The following ELSPBP1 variants were observed in gnomAD, a reference collection of about 807,000 sequenced individuals.
ELSPBP1 encodes epididymal sperm binding protein 1.
Under a neutral mutation model 33.3 loss-of-function variants are expected in ELSPBP1, and 38 were observed. The ratio of observed to expected loss-of-function variants is 1.14; its 90% CI spans 0.88 to 1.50. The LOEUF is 1.50. ELSPBP1 is among the 40% of genes most tolerant of loss of function. ELSPBP1 has a pLI of 0.00. For synonymous variants in ELSPBP1, 85 were observed against 94.1 expected (o/e 0.90, Z 0.56); for missense variants, 267 against 263.5 (o/e 1.01, Z -0.09).
chr19:48,003,940 TATTCTATTCTATTCTATTC>T (rs1966992674), intron 1 of ELSPBP1, among the ~76,000 whole-genome samples: 2 of 129,054 alleles, frequency 1.5e-5, no homozygotes, highest in Non-Finnish European at 3.4e-5. Context: ...TATTCTATTC[TATTCTATTCTATTCTATTC>T]TTTTGAGACA....
At chr19:47,997,005 A>G (rs748159025) in intron 1 of ELSPBP1, among the ~76,000 whole-genome samples, 6 of 152,148 alleles carry the variant, frequency 3.9e-5, no homozygotes, top group Non-Finnish European at 5.9e-5. Context: ...CAACAACTCT[A>G]TGAAGTAGAA....
At chr19:48,003,605 C>A (rs1366369104) in intron 1 of ELSPBP1, among the ~76,000 whole-genome samples, 1 of 148,636 alleles carries the variant, frequency 6.7e-6, no homozygotes, top group Non-Finnish European at 1.5e-5. Context: ...GGCACGATCT[C>A]GGCTCACTGC....
Position 48,022,467 on chromosome 19 carries a change from G to A in ELSPBP1, c.*7+133G>A, listed in dbSNP as rs999497906. On this transcript the variant is annotated intron_variant, in intron 6 of 6. Coordinates refer to ENST00000339841, the MANE Select transcript of ELSPBP1 (RefSeq NM_022142.5). The stretch of plus-strand genomic sequence containing the variant: ...TGATTAGCGTCGCTGATGTGAAGGC[G>A]AGATCTGTTGCTTTTCCAGCATGTC... 3.3e-5 allele frequency: 24 copies of A among 735,398 alleles called. 1 individual carries two copies. In the South Asian group the frequency reaches 4.0e-4, roughly 12 times the overall value. The allele number at this position is 735,398 out of a possible 1,614,324, so 45.6% of individuals were successfully genotyped here. A position where few individuals can be genotyped will look rare whatever the true frequency, so the allele number is the denominator to read the frequency against.
At chr19:48,006,621 C>CAAAAAAA (rs1190341508) in intron 1 of ELSPBP1, among the ~76,000 whole-genome samples, 3 of 20,876 alleles carry the variant, frequency 1.4e-4, no homozygotes, top group East Asian at 1.2e-3. Context: ...GACCCTGTCT[C>CAAAAAAA]AAAAAAAAAA....
At chr19:48,005,817 C>A (rs923519433) in intron 1 of ELSPBP1, among the ~76,000 whole-genome samples, 3 of 152,132 alleles carry the variant, frequency 2.0e-5, no homozygotes, top group Admixed American at 1.3e-4. Context: ...TGATCTGTAA[C>A]CCTCAGCAAG....
rs1967074098 is a variant in ELSPBP1, at chr19:48,011,227, G to A, written c.70+2490G>A. On this transcript the variant is annotated intron_variant, in intron 2 of 6. Transcript: ENST00000339841. The surrounding 1 kb of genome is among the most constrained non-coding windows in gnomAD (Gnocchi z 4.5). ...AATGATGATGAGAATGACAATAATG[G>A]GGTTGATGATGATGATGACAATGAT... Among the ~76,000 whole-genome samples, 1 of 145,478 alleles carries A rather than the reference G, an allele frequency of 6.9e-6. No homozygotes were observed. Among genetic ancestry groups the A allele is most frequent in the Admixed American group, 6.9e-5 (1 of 14,516 alleles).
At chr19:48,010,507 A>G (rs1388768084) in intron 2 of ELSPBP1, among the ~76,000 whole-genome samples, 1 of 152,218 alleles carries the variant, frequency 6.6e-6, no homozygotes, top group Non-Finnish European at 1.5e-5. Flanking sequence ...GAGAGTTCAC[A>G]GTAATCGGGA....
intron 6 of ELSPBP1, among the ~76,000 whole-genome samples, chr19:48,022,576 T>TA (rs1358059824): frequency 1.3e-5 from 2 of 152,020 alleles, no homozygotes; most frequent in African/African-American, 2.4e-5. Flanking sequence ...ACTCCCCAGA[T>TA]TAGAAGGATG....
intron 5 of ELSPBP1, among the ~76,000 whole-genome samples, chr19:48,020,484 A>G (rs1478960865): frequency 6.6e-6 from 1 of 152,086 alleles, no homozygotes; most frequent in African/African-American, 2.4e-5. Context: ...GTGTTGGGAG[A>G]CTCAGACTCA....
Position 48,022,168 on chromosome 19 carries a change from A to G in ELSPBP1, c.515-2A>G. On this transcript the variant is annotated splice_acceptor_variant, in intron 5 of 6. Transcript: ENST00000339841. LOFTEE classifies it high-confidence loss of function. ...TTTGTTTTATCCCCTTCTGCTTCCT[A>G]GGAATTTCCGCGTTGGTCCCTGGCT... 1 of 1,610,558 alleles carries G rather than the reference A, an allele frequency of 6.2e-7. No homozygotes were observed. The highest frequency in any genetic ancestry group is 8.5e-7 in the Non-Finnish European group (1 of 1,178,310).
chr19:48,005,022 C>A (rs1037579477), intron 1 of ELSPBP1, among the ~76,000 whole-genome samples: 1 of 152,028 alleles, frequency 6.6e-6, no homozygotes, highest in African/African-American at 2.4e-5. Context: ...CATAGCAAGA[C>A]CTCGTCTCTA....
intron 2 of ELSPBP1, among the ~76,000 whole-genome samples, chr19:48,010,464 G>A (rs932044689): frequency 6.6e-6 from 1 of 152,152 alleles, no homozygotes; most frequent in Non-Finnish European, 1.5e-5. Context: ...GACCAGAAGT[G>A]CAGAAATAAA....
intron 1 of ELSPBP1, among the ~76,000 whole-genome samples, chr19:47,999,391 T>C (rs78587487): frequency 6.9e-6 from 1 of 145,608 alleles, no homozygotes; most frequent in East Asian, 2.3e-4. Context: ...TCATTTCTTT[T>C]TTTTTTTTTT....
In ELSPBP1 at chr19:48,003,539, C is replaced by CTTTT. The variant is rs34961390; in HGVS notation, c.-17-5098_-17-5095dup. Among the ~76,000 whole-genome samples the CTTTT allele has an allele frequency of 1.2e-3, 166 of 138,890 alleles. 1 individual carries two copies. Among genetic ancestry groups the CTTTT allele is most frequent in the African/African-American group, 3.6e-3 (138 of 38,066 alleles). The allele number at this position is 138,890 out of a possible 152,430, so 91.1% of individuals were successfully genotyped here. On this transcript the variant is annotated intron_variant, in intron 1 of 6. Coordinates refer to ENST00000339841, the MANE Select transcript of ELSPBP1 (RefSeq NM_022142.5). ...TGAATGAATAAATGCCACCCCTGCTCTTTTTTTTTTTTTTTTTGATGGAGT... is the reference window on the plus strand; with the variant it reads ...TGAATGAATAAATGCCACCCCTGCTCTTTTTTTTTTTTTTTTTTTTTGATGGAGT...
rs193171081 is a variant in ELSPBP1, at chr19:48,006,909, G to A, written c.-17-1742G>A. On this transcript the variant is annotated intron_variant, in intron 1 of 6. Coordinates refer to ENST00000339841, the MANE Select transcript of ELSPBP1 (RefSeq NM_022142.5). ...GAAAAAGGGAGAAAGACACTTTGAT[G>A]TGTAGCGGGAGAGCCAAGCACTGTT... Among the ~76,000 whole-genome samples the A allele has an allele frequency of 2.0e-3, 305 of 152,284 alleles. 2 individuals carry two copies. The highest frequency in any genetic ancestry group is 4.8e-3 in the South Asian group (23 of 4,826).
chr19:47,995,547 C>T (rs73565556), intron 1 of ELSPBP1, among the ~76,000 whole-genome samples: 5,223 of 152,234 alleles, frequency 0.034, 295 homozygotes, highest in African/African-American at 0.12. Context: ...TTGCTTCTCC[C>T]TCCAAAGGCA....
At chr19:48,004,697 G>A (rs1053075784) in intron 1 of ELSPBP1, among the ~76,000 whole-genome samples, 3 of 152,032 alleles carry the variant, frequency 2.0e-5, no homozygotes, top group East Asian at 3.8e-4. Flanking sequence ...CCTGAGACTC[G>A]TCCACAGCAA....
At chr19:48,019,568 T>G in intron 4 of ELSPBP1, 151 bp from the exon 5 acceptor site, 1 of 647,442 alleles carries the variant, frequency 1.5e-6, no homozygotes, top group Non-Finnish European at 2.6e-6. Flanking sequence ...ATCCGTAACA[T>G]TGGGATAATA....
intron 1 of ELSPBP1, among the ~76,000 whole-genome samples, chr19:47,998,379 C>G (rs942149443): frequency 6.6e-6 from 1 of 151,626 alleles, no homozygotes; most frequent in African/African-American, 2.4e-5. Context: ...CCACTACACT[C>G]TAGCCTGAGT....
Sources: gnomAD v4.1 joint callset for allele counts (sites outside exome capture counted in the v4.1 genomes callset) on GRCh38, gnomAD v4.1.1 for gene constraint, Gnocchi (gnomAD v3.1) non-coding constraint, MANE v1.5 for transcripts, NCBI Gene and HGNC (gene_info 2026-07-23, HGNC 2026-07-21) for gene names.